ZBTB20: variants seen among roughly 807,000 people sequenced by gnomAD.
ZBTB20 encodes zinc finger and BTB domain containing 20, also known as zinc finger and BTB domain-containing protein 20.
A neutral mutation model predicts 56.9 loss-of-function variants in ZBTB20; 9 were observed. The observed-to-expected ratio is 0.16, with a 90% CI of 0.10 to 0.28. The LOEUF is 0.28. ZBTB20 is among the 10% of genes least tolerant of loss of function. The pLI is 1.00. For missense variants in ZBTB20, 655 were observed against 1,003.0 expected, an observed-to-expected ratio of 0.65 and a Z score of 4.69; for synonymous variants, 417 against 420.7, an observed-to-expected ratio of 0.99 and a Z score of 0.11.
chr3:114,984,979 C>T (rs1371596472), intron 2 of ZBTB20, among the ~76,000 whole-genome samples: 2 of 151,936 alleles, frequency 1.3e-5, no homozygotes, highest in Non-Finnish European at 2.9e-5. Flanking sequence ...TGATGGCTTC[C>T]CCTTCTCATC....
At chr3:114,358,789 T>C (rs1275119032) in intron 10 of ZBTB20, among the ~76,000 whole-genome samples, 2 of 152,180 alleles carry the variant, frequency 1.3e-5, no homozygotes, top group African/African-American at 4.8e-5. Context: ...TAAATCTAAA[T>C]CAATAGAAGA....
chr3:114,883,517 C>T (rs1363227965), intron 4 of ZBTB20, among the ~76,000 whole-genome samples: 6 of 152,134 alleles, frequency 3.9e-5, no homozygotes, highest in Non-Finnish European at 8.8e-5. Flanking sequence ...AAAATATCAA[C>T]ATTCATTTAT....
intron 10 of ZBTB20, among the ~76,000 whole-genome samples, chr3:114,358,685 C>T (rs2081491757): frequency 6.6e-6 from 1 of 152,096 alleles, no homozygotes; most frequent in African/African-American, 2.4e-5. Context: ...AATGAAGCTG[C>T]TTTGGGGGTC....
intron 5 of ZBTB20, among the ~76,000 whole-genome samples, chr3:114,718,118 CTTT>C (rs1457693652): frequency 6.6e-6 from 1 of 152,000 alleles, no homozygotes; most frequent in Non-Finnish European, 1.5e-5. Flanking sequence ...TGGCTTGAAG[CTTT>C]TTTATTCCAC....
chr3:114,554,243 G>C (rs1045332078), intron 6 of ZBTB20, among the ~76,000 whole-genome samples: 1 of 152,116 alleles, frequency 6.6e-6, no homozygotes, highest in Admixed American at 6.5e-5. Context: ...TGAAGGCAGG[G>C]GAGGCCCTAA....
At chr3:114,817,192 TACACACAC>T (rs56294507) in intron 4 of ZBTB20, among the ~76,000 whole-genome samples, 1,618 of 145,782 alleles carry the variant, frequency 0.011, 20 homozygotes, top group Middle Eastern at 0.028. Context: ...ATACAACTTA[TACACACAC>T]ACACACACAC....
chr3:114,691,688 A>C (rs1360925395), intron 6 of ZBTB20, among the ~76,000 whole-genome samples: 1 of 152,070 alleles, frequency 6.6e-6, no homozygotes, highest in Non-Finnish European at 1.5e-5. Context: ...GCAGGACACA[A>C]AATTATATAG....
At chr3:114,845,812 T>A (rs903155353) in intron 4 of ZBTB20, among the ~76,000 whole-genome samples, 1 of 152,212 alleles carries the variant, frequency 6.6e-6, no homozygotes. Context: ...TACATTCTTA[T>A]ATTATGCGAA....
chr3:114,570,079 T>C (rs902454522), intron 6 of ZBTB20, among the ~76,000 whole-genome samples: 1 of 152,190 alleles, frequency 6.6e-6, no homozygotes, highest in Non-Finnish European at 1.5e-5. Context: ...TCTCAACATG[T>C]ATTTTGAGGT....
chr3:114,325,073 T>C lies in ZBTB20; in HGVS notation c.*13932A>G, dbSNP rs993774243. 6.6e-6 allele frequency: 1 copy of C among 152,196 alleles called. No individual in the cohort carries two copies. The highest frequency in any genetic ancestry group is 1.5e-5 in the Non-Finnish European group (1 of 68,024). 9.4% of individuals were successfully genotyped at this position (152,196 alleles called of 1,614,324 possible). ...CTTTGTTTGCCATGATGAAGATTACTAAGACACCCTGCTTTCATCTACTCT... is the reference window on the plus strand; with the variant it reads ...CTTTGTTTGCCATGATGAAGATTACCAAGACACCCTGCTTTCATCTACTCT... On this transcript the variant is annotated 3_prime_UTR_variant, in exon 12 of 12. Coordinates refer to ENST00000675478, the MANE Select transcript of ZBTB20 (RefSeq NM_001348800.3).
At position 114,716,017 on chromosome 3, in the gene ZBTB20, T is replaced by C. The variant is rs189833711; in HGVS notation, c.-342-22442A>G. Among the ~76,000 whole-genome samples, 510 of 152,314 alleles carry C rather than the reference T, an allele frequency of 3.3e-3. 4 individuals are homozygous for C. The highest frequency in any genetic ancestry group is 0.011 in the African/African-American group (477 of 41,574). On this transcript the variant is annotated intron_variant, in intron 5 of 11. Coordinates refer to ENST00000675478, the MANE Select transcript of ZBTB20 (RefSeq NM_001348800.3). ...GCCTCTTATAATCATGAGCATTCTT[T>C]CCTGCTGATAAACAATTATGCTGTA...
At chr3:114,399,246 G>A (rs967318860) in intron 7 of ZBTB20, among the ~76,000 whole-genome samples, 5 of 152,110 alleles carry the variant, frequency 3.3e-5, no homozygotes, top group Non-Finnish European at 7.4e-5. Flanking sequence ...AGAAGAGAAA[G>A]TGCATTTTAT....
At position 114,351,206 on chromosome 3, in the gene ZBTB20, A is replaced by T; in HGVS notation, c.872T>A (p.Ile291Asn). ...HMEDPSWITRIHERSQQMERY... is the reference protein window; with the variant it reads ...HMEDPSWITRNHERSQQMERY... Reference sequence around the variant, plus strand: ...CTCCATCTGCTGCGAGCGCTCATGGATGCGTGTGATCCAGCTGGGGTCTTC... The same window carrying T: ...CTCCATCTGCTGCGAGCGCTCATGGTTGCGTGTGATCCAGCTGGGGTCTTC... The change falls in exon 11 of 12, where the codon ATC (isoleucine) becomes AAC (asparagine). Residue 291 changes from isoleucine (I) to asparagine (N), a missense_variant. Transcript: ENST00000675478. The T allele has an allele frequency of 6.2e-7, 1 of 1,601,658 alleles. No homozygotes were observed. Among genetic ancestry groups the T allele is most frequent in the Non-Finnish European group, 8.5e-7 (1 of 1,179,548 alleles).
chr3:114,938,024 A>G (rs1323595409), intron 3 of ZBTB20, among the ~76,000 whole-genome samples: 1 of 152,028 alleles, frequency 6.6e-6, no homozygotes, highest in Non-Finnish European at 1.5e-5. Context: ...GCGTGGAGGC[A>G]GGAGAATGGC....
intron 6 of ZBTB20, among the ~76,000 whole-genome samples, chr3:114,688,808 G>A (rs1427615323): frequency 2.0e-5 from 3 of 152,082 alleles, no homozygotes; most frequent in Non-Finnish European, 4.4e-5. Context: ...TCACAGAGTG[G>A]CCATCAAATA....
chr3:114,429,435 G>A (rs972825735), intron 7 of ZBTB20, among the ~76,000 whole-genome samples: 17 of 152,074 alleles, frequency 1.1e-4, no homozygotes, highest in African/African-American at 1.7e-4. Flanking sequence ...TCAGCTATTC[G>A]GTGCATTTGG....
intron 1 of ZBTB20, among the ~76,000 whole-genome samples, chr3:115,094,660 C>A (rs2083314417): frequency 6.6e-6 from 1 of 150,610 alleles, no homozygotes; most frequent in Admixed American, 6.6e-5. Flanking sequence ...GGAATTGCAA[C>A]AACAAATCAC....
intron 1 of ZBTB20, among the ~76,000 whole-genome samples, chr3:115,103,524 TAGAC>T (rs1159669370): frequency 2.6e-5 from 4 of 152,126 alleles, no homozygotes; most frequent in South Asian, 2.1e-4. Flanking sequence ...TGCAACAAAA[TAGAC>T]AGCCCAGGAG....
At chr3:114,623,522 C>T (rs2058461746) in intron 6 of ZBTB20, among the ~76,000 whole-genome samples, 1 of 152,060 alleles carries the variant, frequency 6.6e-6, no homozygotes, top group African/African-American at 2.4e-5. Flanking sequence ...GAGGGTGTGA[C>T]AAATCATATT....
Sources: gnomAD v4.1 joint callset for allele counts (sites outside exome capture counted in the v4.1 genomes callset) on GRCh38, gnomAD v4.1.1 for gene constraint, MANE v1.5 for transcripts, NCBI Gene and HGNC (gene_info 2026-07-23, HGNC 2026-07-21) for gene names.